Variants in TRIM33 observed in about 807,000 individuals in gnomAD.
The protein encoded by TRIM33 is tripartite motif containing 33.
Under a neutral mutation model 125.4 loss-of-function variants are expected in TRIM33, and 20 were observed. The observed-to-expected ratio is 0.16, with a 90% CI of 0.11 to 0.23. TRIM33 has a LOEUF of 0.23. TRIM33 is among the 10% of genes least tolerant of loss of function. The pLI is 1.00. For missense variants in TRIM33, 920 were observed against 1,411.4 expected (o/e 0.65, Z 5.58); for synonymous variants, 564 against 513.9 (o/e 1.10, Z -1.32).
intron 11 of TRIM33, among the ~76,000 whole-genome samples, chr1:114,413,089 T>A (rs1316081390): frequency 3.3e-5 from 5 of 152,238 alleles, no homozygotes; most frequent in African/African-American, 1.2e-4. Context: ...GGTTTTAACT[T>A]GCATTTTCCT....
chr1:114,491,071 A>C (rs750209788), intron 1 of TRIM33, among the ~76,000 whole-genome samples: 1 of 152,194 alleles, frequency 6.6e-6, no homozygotes, highest in African/African-American at 2.4e-5. Flanking sequence ...AGTAATAAAA[A>C]TGCTCTAAAA....
intron 1 of TRIM33, among the ~76,000 whole-genome samples, chr1:114,493,281 T>A (rs1276345539): frequency 1.3e-5 from 2 of 152,246 alleles, no homozygotes; most frequent in Non-Finnish European, 2.9e-5. Flanking sequence ...GTTCTTTATA[T>A]ATTTCACTAT....
intron 14 of TRIM33, among the ~76,000 whole-genome samples, chr1:114,406,069 G>A (rs1214767326): frequency 6.6e-6 from 1 of 152,072 alleles, no homozygotes; most frequent in East Asian, 1.9e-4. Context: ...GCTAATTATG[G>A]CACACCCCTT....
Position 114,397,117 on chromosome 1 carries a change from T to C in TRIM33, c.*531A>G, listed in dbSNP as rs12057251. The C allele has an allele frequency of 0.21, 46,076 of 223,524 alleles. 6,503 individuals are homozygous for C. The highest frequency in any genetic ancestry group is 0.44 in the East Asian group (6,583 of 15,100). The allele number at this position is 223,524 out of a possible 1,614,324, so 13.8% of individuals were successfully genotyped here. ...AACAGCATAAAAATGAGAAAAAACA[T>C]AATGGCATGATTCAATGCAAATCTG... On this transcript the variant is annotated 3_prime_UTR_variant, in exon 20 of 20. Coordinates refer to ENST00000358465, the MANE Select transcript of TRIM33 (RefSeq NM_015906.4).
intron 1 of TRIM33, among the ~76,000 whole-genome samples, chr1:114,487,732 C>T (rs532060783): frequency 4.7e-5 from 7 of 149,958 alleles, no homozygotes; most frequent in Non-Finnish European, 7.4e-5. Context: ...CCCGTCTCTA[C>T]TAAAAATACA....
In TRIM33 at chr1:114,510,936, CT is replaced by C; in HGVS notation, c.140del (p.Glu47GlyfsTer132). 7.0e-7 allele frequency: 1 copy of C among 1,419,148 alleles called. No individual in the cohort carries two copies. The highest frequency in any genetic ancestry group is 9.2e-7 in the Non-Finnish European group (1 of 1,089,870). The allele number at this position is 1,419,148 out of a possible 1,614,324, so 87.9% of individuals were successfully genotyped here. ...CAGCGCCGGCCCTGCCGCCTTCCTCCTCCTCCTCCTCCACCAGCACCGCGGT... is the reference window on the plus strand; with the variant it reads ...CAGCGCCGGCCCTGCCGCCTTCCTCCCCTCCTCCTCCACCAGCACCGCGGT... ...PLTAVLVEEE[E>X]EEGGRAGAEG... On this transcript the variant is annotated frameshift_variant, in exon 1 of 20. Coordinates refer to ENST00000358465, the MANE Select transcript of TRIM33 (RefSeq NM_015906.4). LOFTEE classifies it high-confidence loss of function.
chr1:114,441,609 A>C (rs1326222856), intron 4 of TRIM33, among the ~76,000 whole-genome samples: 1 of 152,246 alleles, frequency 6.6e-6, no homozygotes, highest in Non-Finnish European at 1.5e-5. Context: ...AGCTGTAAAT[A>C]ATCAGAGGTA....
intron 4 of TRIM33, among the ~76,000 whole-genome samples, chr1:114,434,304 CCTAA>C (rs1402555962): frequency 2.0e-5 from 3 of 152,174 alleles, no homozygotes; most frequent in Non-Finnish European, 2.9e-5. Flanking sequence ...CTGCATGTGG[CCTAA>C]CTATGCATTT....
intron 5 of TRIM33, among the ~76,000 whole-genome samples, chr1:114,432,185 C>A (rs934389357): frequency 2.0e-5 from 3 of 152,054 alleles, no homozygotes; most frequent in Non-Finnish European, 4.4e-5. Context: ...AAACCTCTTG[C>A]CCTACTTTTG....
intron 13 of TRIM33, 51 bp downstream of exon 13, chr1:114,408,626 T>G (rs1331411839): frequency 8.6e-7 from 1 of 1,162,180 alleles, no homozygotes; most frequent in African/African-American, 1.6e-5. Context: ...ATTATACATA[T>G]TTGCTATTTT....
chr1:114,444,510 T>C (rs1233478053), intron 4 of TRIM33, among the ~76,000 whole-genome samples: 5 of 152,182 alleles, frequency 3.3e-5, no homozygotes, highest in African/African-American at 1.2e-4. Context: ...GAGTAAGCTG[T>C]ACCTTAGGCC....
At chr1:114,447,281 T>C (rs1379540873) in intron 4 of TRIM33, among the ~76,000 whole-genome samples, 1 of 150,996 alleles carries the variant, frequency 6.6e-6, no homozygotes, top group Non-Finnish European at 1.5e-5. Context: ...GTGGTAGGAG[T>C]TGGTGATATA....
chr1:114,435,289 T>C (rs1195670816), intron 4 of TRIM33, among the ~76,000 whole-genome samples: 1 of 152,202 alleles, frequency 6.6e-6, no homozygotes, highest in African/African-American at 2.4e-5. Context: ...AAGCTGGAAC[T>C]GACTTTATCA....
intron 1 of TRIM33, among the ~76,000 whole-genome samples, chr1:114,492,347 T>G (rs1652121033): frequency 6.6e-6 from 1 of 152,230 alleles, no homozygotes. Flanking sequence ...TATTGTGGTA[T>G]ATACATATAA....
rs949052753 is a variant in TRIM33, at chr1:114,395,591, C to T, written c.*2057G>A. Reference sequence around the variant, plus strand: ...AAATGTGCCCTTAGATATATGTCTACTTACAAACTGAAATCATGGATTTTG... The same window carrying T: ...AAATGTGCCCTTAGATATATGTCTATTTACAAACTGAAATCATGGATTTTG... On this transcript the variant is annotated 3_prime_UTR_variant, in exon 20 of 20. Transcript: ENST00000358465. 10 of 199,442 alleles carry T rather than the reference C, an allele frequency of 5.0e-5. No homozygotes were observed. In the East Asian group the frequency reaches 7.8e-4, roughly 15 times the overall value. The allele number at this position is 199,442 out of a possible 1,614,324, so 12.4% of individuals were successfully genotyped here. A position where few individuals can be genotyped will look rare whatever the true frequency, so the allele number is the denominator to read the frequency against.
At chr1:114,469,152 A>G in intron 1 of TRIM33, 1 of 189,662 alleles carries the variant, frequency 5.3e-6, no homozygotes. Context: ...ATCACTGGAC[A>G]CACACCTGCA....
chr1:114,419,290 TTGAGTAA>T (rs1467382031), intron 11 of TRIM33, among the ~76,000 whole-genome samples: 2 of 151,988 alleles, frequency 1.3e-5, no homozygotes, highest in Non-Finnish European at 2.9e-5. Flanking sequence ...AGAGACTGAT[TTGAGTAA>T]TAACTCCACC....
At chr1:114,400,892 A>T (rs1651829851) in intron 17 of TRIM33, among the ~76,000 whole-genome samples, 1 of 152,190 alleles carries the variant, frequency 6.6e-6, no homozygotes, top group African/African-American at 2.4e-5. Flanking sequence ...TAAATATTTT[A>T]CATAGGTTAT....
intron 16 of TRIM33, 93 bp downstream of exon 16, chr1:114,402,667 G>A: frequency 7.3e-7 from 1 of 1,369,710 alleles, no homozygotes; most frequent in Non-Finnish European, 9.9e-7. Context: ...AATGTTATCA[G>A]GTTTTGTGTA....
Sources: allele counts gnomAD v4.1 joint callset (sites outside exome capture counted in the v4.1 genomes callset), GRCh38; gene constraint gnomAD v4.1.1; transcripts MANE v1.5; gene names NCBI Gene and HGNC (gene_info 2026-07-23, HGNC 2026-07-21).